AGBL4: variants seen among roughly 807,000 people sequenced by gnomAD.
The protein encoded by AGBL4 is AGBL carboxypeptidase 4.
A neutral mutation model predicts 66.4 loss-of-function variants in AGBL4; 58 were observed. The ratio of observed to expected loss-of-function variants is 0.87; its 90% CI spans 0.71 to 1.09. The LOEUF is 1.09. AGBL4 is among the 50% of genes least tolerant of loss of function. The pLI, the probability that AGBL4 is intolerant of heterozygous loss-of-function variation, is 0.00. For missense variants in AGBL4, 579 were observed against 631.0 expected (o/e 0.92, Z 0.88); for synonymous variants, 234 against 222.9 (o/e 1.05, Z -0.44).
chr1:49,953,821 C>T (rs1402054333), intron 1 of AGBL4, among the ~76,000 whole-genome samples: 3 of 151,862 alleles, frequency 2.0e-5, no homozygotes, highest in Non-Finnish European at 2.9e-5. Flanking sequence ...GCTAAATCAC[C>T]TACCCAATAT....
At chr1:49,119,045 C>T (rs1280187008) in intron 4 of AGBL4, among the ~76,000 whole-genome samples, 1 of 151,958 alleles carries the variant, frequency 6.6e-6, no homozygotes, top group Non-Finnish European at 1.5e-5. Context: ...GTGGTGATAT[C>T]CTCTTTATCA....
intron 3 of AGBL4, among the ~76,000 whole-genome samples, chr1:49,568,243 C>T (rs1397938538): frequency 3.9e-5 from 6 of 152,122 alleles, no homozygotes; most frequent in African/African-American, 1.4e-4. Flanking sequence ...TAGAAAACTG[C>T]ATAGTCTTGG....
chr1:49,203,086 A>T (rs2148234071), intron 4 of AGBL4, among the ~76,000 whole-genome samples: 1 of 39,980 alleles, frequency 2.5e-5, no homozygotes, highest in Non-Finnish European at 6.9e-5. Context: ...GATGGCTACT[A>T]TCAAAAAAAA....
intron 1 of AGBL4, among the ~76,000 whole-genome samples, chr1:49,952,842 G>C (rs975225041): frequency 6.6e-6 from 1 of 151,924 alleles, no homozygotes; most frequent in African/African-American, 2.4e-5. Context: ...AAAAGAGTAT[G>C]CTGGGGGCAA....
chr1:48,552,204 C>T (rs973274821), intron 11 of AGBL4, among the ~76,000 whole-genome samples: 3 of 152,102 alleles, frequency 2.0e-5, no homozygotes, highest in African/African-American at 7.2e-5. Context: ...GCTGGGACTA[C>T]AGGTGTGTGC....
intron 2 of AGBL4, among the ~76,000 whole-genome samples, chr1:49,765,609 A>C (rs1652674770): frequency 6.6e-6 from 1 of 152,126 alleles, no homozygotes; most frequent in Non-Finnish European, 1.5e-5. Flanking sequence ...CCAAAATGCA[A>C]ACTAATAAAT....
intron 6 of AGBL4, chr1:48,776,585 C>A: frequency 1.4e-6 from 2 of 1,396,758 alleles, no homozygotes; most frequent in Non-Finnish European, 9.3e-7. Flanking sequence ...TCCCACCGTC[C>A]CTCCCCGCCC....
At chr1:48,969,092 C>G (rs1413772621) in intron 5 of AGBL4, among the ~76,000 whole-genome samples, 2 of 140,582 alleles carry the variant, frequency 1.4e-5, no homozygotes, top group Non-Finnish European at 1.6e-5. Context: ...CTCCCTCCCT[C>G]TCTCCCTCCC....
At chr1:49,318,554 T>C (rs886616772) in intron 3 of AGBL4, among the ~76,000 whole-genome samples, 6 of 152,078 alleles carry the variant, frequency 3.9e-5, no homozygotes, top group African/African-American at 1.4e-4. Context: ...CAGATAGAAT[T>C]TAGAGAATTC....
At chr1:50,015,538 T>C (rs188240290) in intron 1 of AGBL4, among the ~76,000 whole-genome samples, 1 of 152,280 alleles carries the variant, frequency 6.6e-6, no homozygotes, top group Admixed American at 6.5e-5. Flanking sequence ...GTGCCTGTAG[T>C]TCCAGCCAGT....
At chr1:49,016,988 T>G (rs1477907290) in intron 5 of AGBL4, among the ~76,000 whole-genome samples, 5 of 152,228 alleles carry the variant, frequency 3.3e-5, no homozygotes, top group Non-Finnish European at 7.3e-5. Context: ...CCTGCCTGAC[T>G]GTTCCAAGGT....
At chr1:49,563,111 G>C (rs530403714) in intron 3 of AGBL4, among the ~76,000 whole-genome samples, 155 of 151,972 alleles carry the variant, frequency 1.0e-3, no homozygotes, top group African/African-American at 3.5e-3. Flanking sequence ...CTCTCTGTTT[G>C]TCTGTTATTG....
At chr1:49,769,368 A>C (rs1199433411) in intron 2 of AGBL4, among the ~76,000 whole-genome samples, 2 of 152,186 alleles carry the variant, frequency 1.3e-5, no homozygotes, top group Non-Finnish European at 2.9e-5. Flanking sequence ...AAGAATCAAA[A>C]TCTCTAAAAT....
At chr1:49,123,089 G>A (rs1046802117) in intron 4 of AGBL4, among the ~76,000 whole-genome samples, 2 of 152,060 alleles carry the variant, frequency 1.3e-5, no homozygotes, top group Admixed American at 6.6e-5. Context: ...TCCTGACCTC[G>A]TGATCTGCCC....
At chr1:48,939,453 T>TG (rs1171158397) in intron 5 of AGBL4, among the ~76,000 whole-genome samples, 3 of 152,184 alleles carry the variant, frequency 2.0e-5, no homozygotes, top group Non-Finnish European at 2.9e-5. Context: ...TTTTAGCACT[T>TG]TAATTAACAA....
intron 6 of AGBL4, among the ~76,000 whole-genome samples, chr1:48,786,872 C>T (rs1195830069): frequency 6.6e-6 from 1 of 152,014 alleles, no homozygotes; most frequent in African/African-American, 2.4e-5. Flanking sequence ...TGTCAGCCTC[C>T]CCAATACCCC....
At chr1:49,303,219 C>A (rs1169257909) in intron 3 of AGBL4, among the ~76,000 whole-genome samples, 2 of 152,088 alleles carry the variant, frequency 1.3e-5, no homozygotes, top group Non-Finnish European at 2.9e-5. Context: ...GGTTCTAGGT[C>A]TTTGAGGAAT....
chr1:49,216,306 G>T (rs967060281), intron 4 of AGBL4, among the ~76,000 whole-genome samples: 3 of 152,000 alleles, frequency 2.0e-5, no homozygotes, highest in Admixed American at 6.6e-5. Flanking sequence ...ACAGGTGCAG[G>T]TTTGCTACAT....
At chr1:49,370,683 G>A (rs993866086) in intron 3 of AGBL4, among the ~76,000 whole-genome samples, 1 of 152,086 alleles carries the variant, frequency 6.6e-6, no homozygotes, top group African/African-American at 2.4e-5. Context: ...TGTGCTTCCA[G>A]TTCTTCATTT....
Sources: allele counts gnomAD v4.1 joint callset (sites outside exome capture counted in the v4.1 genomes callset), GRCh38; gene constraint gnomAD v4.1.1; transcripts MANE v1.5; gene names NCBI Gene and HGNC (gene_info 2026-07-23, HGNC 2026-07-21).